CFAP61: variants seen among roughly 807,000 people sequenced by gnomAD.
CFAP61 encodes the protein cilia- and flagella-associated protein 61.
CFAP61 carries 107 observed loss-of-function variants against 135.6 expected under a neutral mutation model. That is an observed-to-expected ratio of 0.79 (90% CI 0.67 to 0.93). The LOEUF (loss-of-function observed/expected upper bound fraction) is 0.93, where lower values mean the gene tolerates loss of function less well. Ranked by LOEUF, CFAP61 falls within the 40% of genes least tolerant of loss-of-function variation. CFAP61 has a pLI of 0.00. For missense variants in CFAP61, 1,507 were observed against 1,556.2 expected (o/e 0.97, Z 0.53); for synonymous variants, 575 against 578.5 (o/e 0.99, Z 0.09).
At position 20,263,030 on chromosome 20, in the gene CFAP61, G is replaced by C. The variant is rs750858980; in HGVS notation, c.2403G>C (p.Arg801=). Residue 801 remains arginine (R), a synonymous_variant, in exon 21 of 27, where the codon CGG becomes CGC. Transcript: ENST00000245957. Reference sequence around the variant, plus strand: ...AGGTTCCCAACAGCAGTCAGCGGCGGTACACGGGGAAAGTTCCTTGCAACC... The same window carrying C: ...AGGTTCCCAACAGCAGTCAGCGGCGCTACACGGGGAAAGTTCCTTGCAACC... ...NREVPNSSQR[R]YTGKVPCNHF... is the part of the protein sequence containing the mutation. The C allele has an allele frequency of 6.2e-6, 10 of 1,614,038 alleles. No homozygotes were observed. The South Asian group carries it at 1.1e-4, about 18-fold the overall frequency.
chr20:20,076,520 G>A (rs1488298803), intron 6 of CFAP61, among the ~76,000 whole-genome samples: 1 of 152,156 alleles, frequency 6.6e-6, no homozygotes, highest in African/African-American at 2.4e-5. Context: ...ATGCCCAGCT[G>A]AGCCCTGCCA....
chr20:20,360,485 T>A lies in CFAP61; in HGVS notation c.*75T>A. ...AACGCGCTCTGTAGAAATAGAAAAG[T>A]TCTCTGCAGCCTGGTTTGACAGCGA... is the stretch of plus-strand genomic sequence containing the variant. On this transcript the variant is annotated 3_prime_UTR_variant, in exon 27 of 27. Transcript: ENST00000245957. 7.2e-7 allele frequency: 1 copy of A among 1,389,882 alleles called. No homozygotes were observed. Among genetic ancestry groups the A allele is most frequent in the Non-Finnish European group, 1.0e-6 (1 of 994,510 alleles). The allele number at this position is 1,389,882 out of a possible 1,614,324, so 86.1% of individuals were successfully genotyped here. A position where few individuals can be genotyped will look rare whatever the true frequency, so the allele number is the denominator to read the frequency against.
chr20:20,159,574 A>C, intron 10 of CFAP61, 130 bp downstream of exon 10: 3 of 726,646 alleles, frequency 4.1e-6, no homozygotes, highest in Non-Finnish European at 7.3e-6. Context: ...CACACCTACC[A>C]CCTCCTTTAG....
intron 25 of CFAP61, among the ~76,000 whole-genome samples, chr20:20,308,337 A>G (rs2056600753): frequency 6.6e-6 from 1 of 151,992 alleles, no homozygotes; most frequent in South Asian, 2.1e-4. Flanking sequence ...GTGAAGGCCC[A>G]GTGGAGACAG....
chr20:20,155,165 A>G (rs2052781713), intron 9 of CFAP61, among the ~76,000 whole-genome samples: 1 of 152,092 alleles, frequency 6.6e-6, no homozygotes, highest in African/African-American at 2.4e-5. Context: ...ACAAAAACAT[A>G]AAGTAGGAAA....
chr20:20,151,607 A>G (rs1014479220), intron 9 of CFAP61, among the ~76,000 whole-genome samples: 6 of 151,994 alleles, frequency 3.9e-5, no homozygotes, highest in African/African-American at 1.4e-4. Flanking sequence ...TGAGCGGATC[A>G]CGAGGTCAGG....
chr20:20,249,847 G>A (rs963913864), intron 19 of CFAP61, among the ~76,000 whole-genome samples: 3 of 152,100 alleles, frequency 2.0e-5, no homozygotes, highest in Non-Finnish European at 4.4e-5. Flanking sequence ...TTTCCTCATC[G>A]TGGATGGCTT....
chr20:20,356,237 G>GTGGTCACACTGA (rs2059152764), intron 26 of CFAP61, among the ~76,000 whole-genome samples: 1 of 141,674 alleles, frequency 7.1e-6, no homozygotes, highest in African/African-American at 2.7e-5. Context: ...GTCACACTGA[G>GTGGTCACACTGA]GGGAGGGGTC....
chr20:20,166,974 C>T (rs1349093200), intron 12 of CFAP61, among the ~76,000 whole-genome samples: 2 of 152,164 alleles, frequency 1.3e-5, no homozygotes, highest in Non-Finnish European at 2.9e-5. Flanking sequence ...GTGTCCCGGG[C>T]TTCTGCCTAC....
Position 20,164,086 on chromosome 20 carries a change from G to A in CFAP61, c.1063G>A (p.Ala355Thr), listed in dbSNP as rs1282543822. The A allele has an allele frequency of 1.9e-6, 3 of 1,613,804 alleles. No homozygotes were observed. The South Asian group carries it at 3.3e-5, about 18-fold the overall frequency. ...ACTCAGTGACATCTCCACTGGATAT[G>A]CACAGTATCACCATGTCAGCAGTAG... The part of the protein sequence containing the change: ...EKLSDISTGY[A>T]QYHHVSSRSL... The change falls in exon 11 of 27, where the codon GCA (alanine) becomes ACA (threonine). Residue 355 changes from alanine (A) to threonine (T), a missense_variant. By Grantham distance (58) the Ala-to-Thr change is moderately conservative. Coordinates refer to ENST00000245957, the MANE Select transcript of CFAP61 (RefSeq NM_015585.4).
chr20:20,332,580 A>G (rs1449946381), intron 25 of CFAP61, among the ~76,000 whole-genome samples: 2 of 152,208 alleles, frequency 1.3e-5, no homozygotes, highest in Non-Finnish European at 2.9e-5. Flanking sequence ...GTAAGGCCTC[A>G]GTTTAACAAT....
At position 20,179,319 on chromosome 20, in the gene CFAP61, A is replaced by G. The variant is rs1378541037; in HGVS notation, c.1386-8611A>G. ...AATAATATACCTAGGAATACACCTA[A>G]CCAGTGAGAGATGAAAGATCTCTAC... On this transcript the variant is annotated intron_variant, in intron 13 of 26. Transcript: ENST00000245957. 2.0e-5 allele frequency among the ~76,000 whole-genome samples: 3 copies of G among 152,320 alleles called. No individual in the cohort carries two copies. The East Asian group carries it at 5.8e-4, about 29-fold the overall frequency.
At chr20:20,150,650 A>G (rs543146474) in intron 9 of CFAP61, among the ~76,000 whole-genome samples, 6 of 152,286 alleles carry the variant, frequency 3.9e-5, no homozygotes, top group African/African-American at 1.2e-4. Context: ...CACAGAGCCT[A>G]CTTCACTCCC....
At chr20:20,224,362 AC>A (rs1233061662) in intron 17 of CFAP61, among the ~76,000 whole-genome samples, 1 of 152,020 alleles carries the variant, frequency 6.6e-6, no homozygotes, top group East Asian at 1.9e-4. Context: ...CCGCCCCGCA[AC>A]CCCCAAGCTC....
chr20:20,074,021 A>C (rs2045895293), intron 3 of CFAP61: 1 of 435,094 alleles, frequency 2.3e-6, no homozygotes, highest in African/African-American at 2.0e-5. Context: ...GCTCTCCCGC[A>C]GCTCATTCGT....
intron 21 of CFAP61, among the ~76,000 whole-genome samples, chr20:20,275,743 A>C (rs1350011291): frequency 6.6e-6 from 1 of 152,222 alleles, no homozygotes; most frequent in Non-Finnish European, 1.5e-5. Flanking sequence ...AGGACAGAAG[A>C]CCTAAAACCT....
intron 4 of CFAP61, 68 bp downstream of exon 4, chr20:20,074,446 T>C: frequency 7.3e-7 from 1 of 1,367,748 alleles, no homozygotes; most frequent in Middle Eastern, 1.8e-4. Flanking sequence ...AAATATTTTT[T>C]AAAAGACATG....
At chr20:20,119,753 G>A (rs2049465496) in intron 8 of CFAP61, among the ~76,000 whole-genome samples, 1 of 152,120 alleles carries the variant, frequency 6.6e-6, no homozygotes, top group African/African-American at 2.4e-5. Flanking sequence ...TATTAAGCCA[G>A]TACCCATGAG....
intron 2 of CFAP61, among the ~76,000 whole-genome samples, chr20:20,064,157 C>G (rs1266539988): frequency 3.9e-5 from 6 of 151,934 alleles, no homozygotes; most frequent in Non-Finnish European, 8.8e-5. Context: ...ATGCCTTCCA[C>G]CCACAAATGT....
Sources: gnomAD v4.1 joint callset for allele counts (sites outside exome capture counted in the v4.1 genomes callset) on GRCh38, gnomAD v4.1.1 for gene constraint, MANE v1.5 for transcripts, NCBI Gene and HGNC (gene_info 2026-07-23, HGNC 2026-07-21) for gene names.